The following ZFAND3 variants were observed in gnomAD, a reference collection of about 807,000 sequenced individuals.
ZFAND3 encodes the protein AN1-type zinc finger protein 3.
Under a neutral mutation model 29.6 loss-of-function variants are expected in ZFAND3, and 10 were observed. The ratio of observed to expected loss-of-function variants is 0.34; its 90% CI spans 0.21 to 0.57. The LOEUF (loss-of-function observed/expected upper bound fraction) is 0.57, where lower values mean the gene tolerates loss of function less well. Ranked by LOEUF, ZFAND3 falls within the 20% of genes least tolerant of loss-of-function variation. ZFAND3 has a pLI of 0.86. For missense variants in ZFAND3, 230 were observed against 304.5 expected (o/e 0.76, Z 1.82); for synonymous variants, 128 against 112.6 (o/e 1.14, Z -0.87).
chr6:37,864,945 C>G (rs972970324), intron 1 of ZFAND3, among the ~76,000 whole-genome samples: 1 of 152,054 alleles, frequency 6.6e-6, no homozygotes, highest in Non-Finnish European at 1.5e-5. Context: ...TTTGGGAGGC[C>G]AAGGCGGGCA....
At position 38,007,062 on chromosome 6, in the gene ZFAND3, G is replaced by T. The variant is rs765954826; in HGVS notation, c.113-54531G>T. On this transcript the variant is annotated intron_variant, in intron 2 of 5. Coordinates refer to ENST00000287218, the MANE Select transcript of ZFAND3 (RefSeq NM_021943.3). ...AAGCAGTTTTTAAAAATTAAAGAGT[G>T]AAGAGAAAGTGATGGACATACACTT... Among the ~76,000 whole-genome samples, 48 of 152,118 alleles carry T rather than the reference G, an allele frequency of 3.2e-4. 1 individual carries two copies. The highest frequency in any genetic ancestry group is 4.3e-4 in the Non-Finnish European group (29 of 68,024).
intron 2 of ZFAND3, among the ~76,000 whole-genome samples, chr6:37,943,135 G>T (rs931952850): frequency 6.6e-6 from 1 of 152,028 alleles, no homozygotes; most frequent in African/African-American, 2.4e-5. Flanking sequence ...AGTAGAGGAG[G>T]CCAGTTAATT....
chr6:37,894,595 C>G (rs1189326577), intron 1 of ZFAND3, among the ~76,000 whole-genome samples: 1 of 152,128 alleles, frequency 6.6e-6, no homozygotes, highest in Non-Finnish European at 1.5e-5. Flanking sequence ...TGGTCTCAAA[C>G]TCCTGGCCTT....
chr6:38,040,001 T>G (rs1228115456), intron 2 of ZFAND3, among the ~76,000 whole-genome samples: 1 of 152,140 alleles, frequency 6.6e-6, no homozygotes, highest in Admixed American at 6.5e-5. Context: ...ACTCTTAAAC[T>G]TATGCATCTC....
chr6:38,090,391 A>G (rs1381218721), intron 4 of ZFAND3, among the ~76,000 whole-genome samples: 1 of 152,206 alleles, frequency 6.6e-6, no homozygotes, highest in African/African-American at 2.4e-5. Flanking sequence ...CAAAACAGTA[A>G]ATCTGTCATG....
chr6:37,922,469 A>C (rs1033543484), intron 1 of ZFAND3, among the ~76,000 whole-genome samples: 3 of 152,222 alleles, frequency 2.0e-5, no homozygotes. Flanking sequence ...GTAGATTTTC[A>C]TTATGCATTT....
chr6:38,001,718 G>A (rs893952096), intron 2 of ZFAND3, among the ~76,000 whole-genome samples: 2 of 152,052 alleles, frequency 1.3e-5, no homozygotes, highest in Admixed American at 6.6e-5. Context: ...GGTTTATTCA[G>A]CTTGGAAAAC....
intron 1 of ZFAND3, among the ~76,000 whole-genome samples, chr6:37,838,945 A>C (rs1196806668): frequency 2.0e-5 from 3 of 152,182 alleles, no homozygotes; most frequent in Admixed American, 2.0e-4. Flanking sequence ...CAATGTATGA[A>C]GACTCCAGTT....
intron 2 of ZFAND3, among the ~76,000 whole-genome samples, chr6:37,986,862 A>G (rs1762680112): frequency 6.6e-6 from 1 of 152,204 alleles, no homozygotes; most frequent in South Asian, 2.1e-4. Context: ...CAGTTACACC[A>G]ACCTAATAAG....
intron 2 of ZFAND3, among the ~76,000 whole-genome samples, chr6:37,990,421 G>T (rs1762739559): frequency 6.6e-6 from 1 of 152,184 alleles, no homozygotes; most frequent in African/African-American, 2.4e-5. Context: ...AGACTAAAGA[G>T]AAATACTGTA....
intron 1 of ZFAND3, among the ~76,000 whole-genome samples, chr6:37,832,455 G>T (rs1763880028): frequency 6.6e-6 from 1 of 152,192 alleles, no homozygotes; most frequent in African/African-American, 2.4e-5. Flanking sequence ...AACTAGTAGT[G>T]CCCTCTGTCA....
chr6:37,828,283 C>T (rs1763795185), intron 1 of ZFAND3, among the ~76,000 whole-genome samples: 1 of 152,152 alleles, frequency 6.6e-6, no homozygotes, highest in South Asian at 2.1e-4. Flanking sequence ...GCTTATGGTA[C>T]CTAACTGGAA....
intron 1 of ZFAND3, among the ~76,000 whole-genome samples, chr6:37,925,745 A>G (rs376174948): frequency 6.6e-6 from 1 of 152,232 alleles, no homozygotes; most frequent in African/African-American, 2.4e-5. Flanking sequence ...GATGTGAGCA[A>G]CTGGGAAGAA....
Position 37,952,983 on chromosome 6 carries a change from G to GT in ZFAND3, c.112+22992dup, listed in dbSNP as rs928409312. Reference sequence around the variant, plus strand: ...TCTTCTCCCATTTATTTTTTCCGTAGTTTTTTTTCAATTCTTTTAACCTGT... The same window carrying GT: ...TCTTCTCCCATTTATTTTTTCCGTAGTTTTTTTTTCAATTCTTTTAACCTGT... On this transcript the variant is annotated intron_variant, in intron 2 of 5. Transcript: ENST00000287218. Among the ~76,000 whole-genome samples, 90 of 151,100 alleles carry GT rather than the reference G, an allele frequency of 6.0e-4. 1 individual carries two copies. Among genetic ancestry groups the GT allele is most frequent in the Middle Eastern group, 3.4e-3 (1 of 294 alleles).
intron 2 of ZFAND3, among the ~76,000 whole-genome samples, chr6:38,006,115 T>TA (rs1561963606): frequency 6.6e-6 from 1 of 152,226 alleles, no homozygotes; most frequent in African/African-American, 2.4e-5. Context: ...TTCTTGTAGT[T>TA]ACAGCTTCTG....
Position 38,154,374 on chromosome 6 carries a change from G to GGGC in ZFAND3, c.*1987_*1988insCGG, listed in dbSNP as rs1554122353. On this transcript the variant is annotated 3_prime_UTR_variant, in exon 6 of 6. Coordinates refer to ENST00000287218, the MANE Select transcript of ZFAND3 (RefSeq NM_021943.3). ...CATGTTCGCTTCCTGACTTAGAGCT[G>GGGC]GGGGGGGTGGGGGGTGGGGCTTGTT... The GGGC allele has an allele frequency of 2.7e-6, 2 of 740,858 alleles. No individual in the cohort carries two copies. Among genetic ancestry groups the GGGC allele is most frequent in the African/African-American group, 4.5e-5 (2 of 44,768 alleles). 45.9% of individuals were successfully genotyped at this position (740,858 alleles called of 1,614,324 possible). A position where few individuals can be genotyped will look rare whatever the true frequency, so the allele number is the denominator to read the frequency against.
intron 2 of ZFAND3, among the ~76,000 whole-genome samples, chr6:38,034,746 T>C (rs551990886): frequency 6.6e-6 from 1 of 152,286 alleles, no homozygotes; most frequent in South Asian, 2.1e-4. Context: ...GGAATTAAGT[T>C]GAGTCCTCAG....
At chr6:37,997,881 T>G (rs1342734006) in intron 2 of ZFAND3, among the ~76,000 whole-genome samples, 1 of 152,102 alleles carries the variant, frequency 6.6e-6, no homozygotes, top group African/African-American at 2.4e-5. Context: ...GATGCACCAG[T>G]TTGGTGGGAA....
intron 1 of ZFAND3, among the ~76,000 whole-genome samples, chr6:37,869,486 G>T (rs1764651782): frequency 6.6e-6 from 1 of 151,600 alleles, no homozygotes; most frequent in Middle Eastern, 3.2e-3. Context: ...CATGATATTG[G>T]TTAATCTGTA....
Sources: allele counts gnomAD v4.1 joint callset (sites outside exome capture counted in the v4.1 genomes callset), GRCh38; gene constraint gnomAD v4.1.1; transcripts MANE v1.5; gene names NCBI Gene and HGNC (gene_info 2026-07-23, HGNC 2026-07-21).